Variants in FMN1 observed in about 807,000 individuals in gnomAD.
The protein encoded by FMN1 is formin-1.
Under a neutral mutation model 132.4 loss-of-function variants are expected in FMN1, and 110 were observed. That is an observed-to-expected ratio of 0.83 (90% CI 0.71 to 0.97). FMN1 has a LOEUF of 0.97. FMN1 is among the 50% of genes least tolerant of loss of function. The pLI is 0.00. For missense variants in FMN1, 1,792 were observed against 1,705.3 expected, an observed-to-expected ratio of 1.05 and a Z score of -0.90; for synonymous variants, 722 against 651.7, an observed-to-expected ratio of 1.11 and a Z score of -1.64.
At chr15:33,007,253 A>T (rs1038985087) in intron 7 of FMN1, among the ~76,000 whole-genome samples, 1 of 152,224 alleles carries the variant, frequency 6.6e-6, no homozygotes, top group African/African-American at 2.4e-5. Context: ...TTAAATTAGC[A>T]GTCATGAGTT....
chr15:32,820,906 T>A (rs1194341647), intron 17 of FMN1, among the ~76,000 whole-genome samples: 2 of 152,138 alleles, frequency 1.3e-5, no homozygotes, highest in Non-Finnish European at 2.9e-5. Flanking sequence ...AATTCATAAA[T>A]ACTCTTCATG....
chr15:32,899,890 TG>T, intron 14 of FMN1, 88 bp downstream of exon 14: 2 of 1,319,064 alleles, frequency 1.5e-6, no homozygotes, highest in Non-Finnish European at 2.1e-6. Flanking sequence ...TAGAGATAAA[TG>T]GAACAATCTG....
chr15:33,093,867 G>A (rs931223038), intron 4 of FMN1, among the ~76,000 whole-genome samples: 2 of 152,180 alleles, frequency 1.3e-5, no homozygotes, highest in African/African-American at 4.8e-5. Context: ...CTAAAATCAT[G>A]CTTAAATTCA....
intron 17 of FMN1, among the ~76,000 whole-genome samples, chr15:32,823,166 T>G (rs1179285310): frequency 2.0e-5 from 2 of 100,132 alleles, no homozygotes; most frequent in Admixed American, 1.0e-4. Context: ...TTTTTTTTTT[T>G]TTTTTTTTTT....
chr15:33,013,020 A>G (rs1482453861), intron 6 of FMN1: 1 of 410,708 alleles, frequency 2.4e-6, no homozygotes, highest in Non-Finnish European at 4.7e-6. Context: ...CACAAAACCA[A>G]GGAGGCTATA....
At chr15:33,068,651 C>T (rs1226274501) in intron 5 of FMN1, among the ~76,000 whole-genome samples, 1 of 151,936 alleles carries the variant, frequency 6.6e-6, no homozygotes, top group Admixed American at 6.6e-5. Flanking sequence ...TGCTTTCTTC[C>T]GCTTCCCTGC....
intron 4 of FMN1, among the ~76,000 whole-genome samples, chr15:33,137,166 C>T (rs146417127): frequency 2.5e-3 from 348 of 138,008 alleles, no homozygotes; most frequent in African/African-American, 9.0e-3. Flanking sequence ...AATCTGATAA[C>T]AATGTATGTA....
rs945668060 is a variant in FMN1, at chr15:33,067,952, C to T, written c.2044-2878G>A. The T allele has an allele frequency of 8.5e-6, 13 of 1,521,612 alleles. No homozygotes were observed. In the African/African-American group the frequency reaches 1.2e-4, roughly 15 times the overall value. 94.3% of individuals were successfully genotyped at this position (1,521,612 alleles called of 1,614,324 possible). A position where few individuals can be genotyped will look rare whatever the true frequency, so the allele number is the denominator to read the frequency against. On this transcript the variant is annotated intron_variant, in intron 5 of 20. Coordinates refer to ENST00000616417, the MANE Select transcript of FMN1 (RefSeq NM_001277313.2). ...TTCTCCTGCGCTCTCAGTTTATCCA[C>T]TCCATCTGCTCTTAATTTACAGGAC... is the stretch of plus-strand genomic sequence containing the variant.
chr15:32,907,396 G>T (rs1183643926), intron 12 of FMN1, among the ~76,000 whole-genome samples: 1 of 152,070 alleles, frequency 6.6e-6, no homozygotes, highest in Non-Finnish European at 1.5e-5. Flanking sequence ...TCACAATAGG[G>T]TTTGTGCTCC....
At chr15:32,806,024 T>A (rs1310048533) in intron 17 of FMN1, among the ~76,000 whole-genome samples, 1 of 152,202 alleles carries the variant, frequency 6.6e-6, no homozygotes, top group Non-Finnish European at 1.5e-5. Flanking sequence ...GATATATTAT[T>A]ATATATGAAA....
At chr15:32,850,730 T>G (rs995731068) in intron 17 of FMN1, among the ~76,000 whole-genome samples, 3 of 152,246 alleles carry the variant, frequency 2.0e-5, no homozygotes, top group African/African-American at 7.2e-5. Context: ...TAATTCCTTT[T>G]GCATTCAATG....
At chr15:32,898,529 G>A (rs1019216224) in intron 15 of FMN1, among the ~76,000 whole-genome samples, 10 of 152,216 alleles carry the variant, frequency 6.6e-5, no homozygotes, top group South Asian at 2.1e-4. Flanking sequence ...ACCAATTACT[G>A]AGCGGATCTA....
intron 4 of FMN1, among the ~76,000 whole-genome samples, chr15:33,139,900 G>A (rs1428324505): frequency 6.6e-6 from 1 of 152,104 alleles, no homozygotes; most frequent in Non-Finnish European, 1.5e-5. Context: ...ATACTCCTAT[G>A]TGGAGTGTGT....
chr15:32,818,738 G>A (rs1049135080), intron 17 of FMN1, among the ~76,000 whole-genome samples: 8 of 152,088 alleles, frequency 5.3e-5, no homozygotes, highest in African/African-American at 1.9e-4. Flanking sequence ...ATTCTTGGAA[G>A]CAAATGTGAA....
At chr15:32,856,138 T>C (rs2059126448) in intron 17 of FMN1, among the ~76,000 whole-genome samples, 2 of 152,190 alleles carry the variant, frequency 1.3e-5, no homozygotes, top group Admixed American at 1.3e-4. Context: ...CCACACTTTA[T>C]GCATTCACCC....
intron 5 of FMN1, among the ~76,000 whole-genome samples, chr15:33,073,210 C>T (rs952146053): frequency 5.3e-5 from 8 of 152,254 alleles, no homozygotes; most frequent in Admixed American, 2.6e-4. Flanking sequence ...AGAAAGGCAA[C>T]GTGAAAGTAA....
At chr15:33,128,823 A>T (rs1261493779) in intron 4 of FMN1, among the ~76,000 whole-genome samples, 1 of 152,224 alleles carries the variant, frequency 6.6e-6, no homozygotes, top group Non-Finnish European at 1.5e-5. Flanking sequence ...CAAAATAACA[A>T]AGCCTCCGCA....
intron 4 of FMN1, among the ~76,000 whole-genome samples, chr15:33,147,568 G>A (rs572059839): frequency 4.6e-5 from 7 of 152,202 alleles, no homozygotes; most frequent in Non-Finnish European, 5.9e-5. Context: ...CAATCCAGTG[G>A]AAGGTGTTAT....
chr15:33,171,954 A>G (rs1389599432), intron 3 of FMN1, among the ~76,000 whole-genome samples: 4 of 152,078 alleles, frequency 2.6e-5, no homozygotes, highest in Non-Finnish European at 5.9e-5. Context: ...TCACGCCTGT[A>G]ATCCCAGCAC....
Sources: allele counts gnomAD v4.1 joint callset (sites outside exome capture counted in the v4.1 genomes callset), GRCh38; gene constraint gnomAD v4.1.1; transcripts MANE v1.5; gene names NCBI Gene and HGNC (gene_info 2026-07-23, HGNC 2026-07-21).